KCNU1: variants seen among roughly 807,000 people sequenced by gnomAD.
KCNU1 encodes the protein potassium channel subfamily U member 1.
KCNU1 carries 93 observed loss-of-function variants against 126.8 expected under a neutral mutation model. The observed-to-expected ratio is 0.73, with a 90% CI of 0.62 to 0.87. The LOEUF is 0.87. KCNU1 is among the 40% of genes least tolerant of loss of function. The pLI is 0.00. For synonymous variants in KCNU1, 523 were observed against 494.2 expected (o/e 1.06, Z -0.77); for missense variants, 1,330 against 1,367.1 (o/e 0.97, Z 0.43).
At chr8:36,892,776 C>A (rs922382522) in intron 19 of KCNU1, among the ~76,000 whole-genome samples, 2 of 152,058 alleles carry the variant, frequency 1.3e-5, no homozygotes, top group Non-Finnish European at 2.9e-5. Context: ...CAGTTTACAT[C>A]TTTGCCTAAG....
intron 10 of KCNU1, among the ~76,000 whole-genome samples, chr8:36,828,827 CATTA>C (rs1804420444): frequency 6.6e-6 from 1 of 151,946 alleles, no homozygotes; most frequent in Non-Finnish European, 1.5e-5. Flanking sequence ...ATTTTTAGGC[CATTA>C]GTCATTTTTT....
At chr8:36,790,571 A>G (rs1267630899) in intron 2 of KCNU1, among the ~76,000 whole-genome samples, 2 of 152,134 alleles carry the variant, frequency 1.3e-5, no homozygotes, top group African/African-American at 4.8e-5. Flanking sequence ...TATATATGTA[A>G]TTAATTTTGA....
chr8:36,894,955 G>A (rs1807126517), intron 19 of KCNU1, among the ~76,000 whole-genome samples: 1 of 152,044 alleles, frequency 6.6e-6, no homozygotes, highest in Non-Finnish European at 1.5e-5. Flanking sequence ...AAGTGTCAAT[G>A]GTGAATTTTA....
chr8:36,821,831 A>T (rs1804138592), intron 10 of KCNU1, among the ~76,000 whole-genome samples: 1 of 134,824 alleles, frequency 7.4e-6, no homozygotes, highest in Non-Finnish European at 1.6e-5. Context: ...GAGATACTCA[A>T]CACTATTATA....
intron 19 of KCNU1, among the ~76,000 whole-genome samples, chr8:36,867,884 GC>G (rs1281791191): frequency 6.6e-6 from 1 of 152,128 alleles, no homozygotes. Context: ...CAGTCTGTCA[GC>G]CCTATTTCTG....
intron 10 of KCNU1, among the ~76,000 whole-genome samples, chr8:36,824,666 T>A (rs2130506133): frequency 6.6e-6 from 1 of 152,298 alleles, no homozygotes; most frequent in South Asian, 2.1e-4. Flanking sequence ...TCGGACATTA[T>A]ATCTTATTAT....
intron 20 of KCNU1, 116 bp from the exon 21 acceptor site, chr8:36,909,195 A>G (rs1285909413): frequency 1.4e-6 from 1 of 697,422 alleles, no homozygotes; most frequent in Non-Finnish European, 2.6e-6. Context: ...TATTCACCTT[A>G]TGAAAGTAGA....
chr8:36,793,120 C>T (rs947516373), intron 2 of KCNU1, among the ~76,000 whole-genome samples: 6 of 149,576 alleles, frequency 4.0e-5, no homozygotes, highest in South Asian at 2.1e-4. Context: ...AACCAAACAT[C>T]GCATGTTCTC....
At chr8:36,885,295 C>T (rs1806652683) in intron 19 of KCNU1, among the ~76,000 whole-genome samples, 1 of 152,186 alleles carries the variant, frequency 6.6e-6, no homozygotes. Flanking sequence ...TGGCTCACGC[C>T]TATAATCCTA....
intron 26 of KCNU1, among the ~76,000 whole-genome samples, chr8:36,935,240 G>A (rs1808817264): frequency 6.6e-6 from 1 of 152,098 alleles, no homozygotes; most frequent in African/African-American, 2.4e-5. Context: ...CCCAGAGAAG[G>A]AGGACACCAT....
intron 18 of KCNU1, among the ~76,000 whole-genome samples, chr8:36,852,282 T>A (rs997136431): frequency 7.4e-4 from 112 of 152,178 alleles, no homozygotes; most frequent in Non-Finnish European, 1.1e-3. Flanking sequence ...TAGCATTTTG[T>A]TGAGGAATTT....
chr8:36,854,490 T>C (rs1400832261), intron 18 of KCNU1, among the ~76,000 whole-genome samples: 1 of 146,606 alleles, frequency 6.8e-6, no homozygotes, highest in Non-Finnish European at 1.5e-5. Flanking sequence ...TTTTTTTGCA[T>C]GCTCAAGTCT....
At chr8:36,838,878 C>T (rs1804851892) in intron 14 of KCNU1, among the ~76,000 whole-genome samples, 1 of 152,094 alleles carries the variant, frequency 6.6e-6, no homozygotes, top group Admixed American at 6.5e-5. Context: ...CCTCACTGAA[C>T]AGCATCAGGC....
chr8:36,869,183 G>A (rs549270824), intron 19 of KCNU1, among the ~76,000 whole-genome samples: 5 of 152,224 alleles, frequency 3.3e-5, no homozygotes, highest in African/African-American at 7.2e-5. Flanking sequence ...AAGTAGGTGC[G>A]AATAATCTCA....
intron 23 of KCNU1, among the ~76,000 whole-genome samples, chr8:36,920,702 T>C (rs1432039511): frequency 1.3e-5 from 2 of 152,118 alleles, no homozygotes; most frequent in African/African-American, 4.8e-5. Flanking sequence ...CAAAGGCTCA[T>C]GGGATATTTG....
rs1479266961 is a variant in KCNU1 at position 36,784,563 on chromosome 8, T to C, written c.153T>C (p.Ser51=). The change falls in exon 1 of 27, where the codon TCT becomes TCC. Residue 51 remains serine, a synonymous_variant. Transcript: ENST00000399881. ...ILLIFRLIWR[S]VKKWQIIKGT... ...TGATCTTCAGGCTGATCTGGAGATC[T>C]GTTAAAAAATGGCAAATCATCAAGG... 3 of 1,613,540 alleles carry C rather than the reference T, an allele frequency of 1.9e-6. No homozygotes were observed. The highest frequency in any genetic ancestry group is 1.3e-5 in the African/African-American group (1 of 74,938).
Position 36,930,912 on chromosome 8 carries a change from C to G in KCNU1, c.2737-39C>G, listed in dbSNP as rs556924450. On this transcript the variant is annotated intron_variant, in intron 24 of 26. Transcript: ENST00000399881. ...TACCCCTCCACAGTTCACATATTGG[C>G]TCTTCTGACTTTGCATGTGGCTTGT... 119 of 1,488,710 alleles carry G rather than the reference C, an allele frequency of 8.0e-5. 1 individual carries two copies. The South Asian group carries it at 1.1e-3, about 13-fold the overall frequency. 92.2% of individuals were successfully genotyped at this position (1,488,710 alleles called of 1,614,324 possible).
intron 19 of KCNU1, among the ~76,000 whole-genome samples, chr8:36,885,116 G>C (rs1806645104): frequency 6.6e-6 from 1 of 152,124 alleles, no homozygotes; most frequent in East Asian, 1.9e-4. Context: ...GTGTGGATAA[G>C]GTATAGAATG....
chr8:36,892,627 G>A (rs1807012820), intron 19 of KCNU1, among the ~76,000 whole-genome samples: 1 of 151,602 alleles, frequency 6.6e-6, no homozygotes, highest in South Asian at 2.1e-4. Context: ...ATTGTATATT[G>A]ACACTTAAAT....
Sources: gnomAD v4.1 joint callset for allele counts (sites outside exome capture counted in the v4.1 genomes callset) on GRCh38, gnomAD v4.1.1 for gene constraint, MANE v1.5 for transcripts, NCBI Gene and HGNC (gene_info 2026-07-23, HGNC 2026-07-21) for gene names.